JAM3: variants seen among roughly 807,000 people sequenced by gnomAD.
The protein encoded by JAM3 is junctional adhesion molecule C.
JAM3 carries 31 observed loss-of-function variants against 39.4 expected under a neutral mutation model. The observed-to-expected ratio is 0.79, with a 90% CI of 0.59 to 1.06. The LOEUF (loss-of-function observed/expected upper bound fraction) is 1.06. JAM3 is among the 50% of genes least tolerant of loss of function. JAM3 has a pLI of 0.00. For synonymous variants in JAM3, 182 were observed against 148.7 expected (o/e 1.22, Z -1.63); for missense variants, 455 against 391.4 (o/e 1.16, Z -1.37).
intron 1 of JAM3, among the ~76,000 whole-genome samples, chr11:134,131,059 TAGAA>T (rs1942759775): frequency 6.6e-6 from 1 of 151,764 alleles, no homozygotes; most frequent in South Asian, 2.1e-4. Flanking sequence ...TGAAGGAAAA[TAGAA>T]AGCTGTGATC....
intron 1 of JAM3, among the ~76,000 whole-genome samples, chr11:134,079,340 A>G (rs778882844): frequency 6.6e-6 from 1 of 152,250 alleles, no homozygotes; most frequent in Non-Finnish European, 1.5e-5. Flanking sequence ...TAACAGCTAT[A>G]GATGAAGACA....
chr11:134,121,381 A>G, intron 1 of JAM3, among the ~76,000 whole-genome samples: 1 of 151,930 alleles, frequency 6.6e-6, no homozygotes. Flanking sequence ...GAATCTGAGG[A>G]GCCGTGTGAG....
chr11:134,107,562 C>G (rs116456273), intron 1 of JAM3, among the ~76,000 whole-genome samples: 1,560 of 152,128 alleles, frequency 0.01, 22 homozygotes, highest in African/African-American at 0.035. Flanking sequence ...GACTAGGCCA[C>G]TAAAGCAGTA....
At chr11:134,096,249 T>C (rs1329936082) in intron 1 of JAM3, among the ~76,000 whole-genome samples, 2 of 152,176 alleles carry the variant, frequency 1.3e-5, no homozygotes, top group African/African-American at 4.8e-5. Context: ...ATTACAGGCG[T>C]GAGCCACCAC....
At chr11:134,141,399 G>A (rs951672524) in intron 3 of JAM3, among the ~76,000 whole-genome samples, 1 of 152,070 alleles carries the variant, frequency 6.6e-6, no homozygotes, top group African/African-American at 2.4e-5. Flanking sequence ...CTGGCTGATG[G>A]GAAAGACTGG....
At chr11:134,088,349 A>G (rs939481424) in intron 1 of JAM3, among the ~76,000 whole-genome samples, 8 of 152,094 alleles carry the variant, frequency 5.3e-5, no homozygotes, top group African/African-American at 1.9e-4. Context: ...CTAAAGAAGC[A>G]TTGCTTTCCT....
chr11:134,121,957 G>A (rs1195150525), intron 1 of JAM3, among the ~76,000 whole-genome samples: 1 of 152,192 alleles, frequency 6.6e-6, no homozygotes, highest in Non-Finnish European at 1.5e-5. Flanking sequence ...TAGCACGTGT[G>A]CTGTTTTGAT....
chr11:134,124,958 C>G (rs1942615829), intron 1 of JAM3, among the ~76,000 whole-genome samples: 1 of 152,234 alleles, frequency 6.6e-6, no homozygotes, highest in Non-Finnish European at 1.5e-5. Flanking sequence ...GGAGGCGCCC[C>G]TCTCCTCAGT....
intron 1 of JAM3, among the ~76,000 whole-genome samples, chr11:134,129,560 C>T (rs765686555): frequency 1.1e-4 from 17 of 152,014 alleles, no homozygotes; most frequent in Admixed American, 2.0e-4. Flanking sequence ...AGTCATTGGT[C>T]CCTAGATAGC....
intron 1 of JAM3, among the ~76,000 whole-genome samples, chr11:134,104,456 G>T (rs1050685011): frequency 1.3e-5 from 2 of 152,032 alleles, no homozygotes; most frequent in African/African-American, 4.8e-5. Flanking sequence ...AACTAGAGAA[G>T]CAAGAGAAAA....
rs1491538629 is a variant in JAM3 at position 134,144,777 on chromosome 11, CCT to C, written c.410-14_410-13del. 1.3e-5 allele frequency: 19 copies of C among 1,484,490 alleles called. No individual in the cohort carries two copies. Among genetic ancestry groups the C allele is most frequent in the Non-Finnish European group, 1.7e-5 (19 of 1,099,558 alleles). The allele number at this position is 1,484,490 out of a possible 1,614,324, so 92.0% of individuals were successfully genotyped here. On this transcript the variant is annotated splice_polypyrimidine_tract_variant and intron_variant, in intron 4 of 8. Coordinates refer to ENST00000299106, the MANE Select transcript of JAM3 (RefSeq NM_032801.5). Reference sequence around the variant, plus strand: ...TGTCACTGAGATCTTAAACACCACCCCTTTTTCCCCACAGTGAAGCCAGTGAC... The same window carrying C: ...TGTCACTGAGATCTTAAACACCACCCTTTTCCCCACAGTGAAGCCAGTGAC...
chr11:134,116,553 T>C (rs941185386), intron 1 of JAM3, among the ~76,000 whole-genome samples: 1 of 152,214 alleles, frequency 6.6e-6, no homozygotes, highest in Non-Finnish European at 1.5e-5. Context: ...TTTTTGTCGT[T>C]GTTTGTTTTT....
At chr11:134,069,309 C>T (rs1941448311) in intron 1 of JAM3, 150 bp downstream of exon 1, 1 of 1,063,904 alleles carries the variant, frequency 9.4e-7, no homozygotes, top group Non-Finnish European at 1.3e-6. Flanking sequence ...CGGCGCGCGC[C>T]CGCGTCCCCG....
chr11:134,147,076 GGTT>G (rs745800276), intron 6 of JAM3, among the ~76,000 whole-genome samples: 3 of 152,130 alleles, frequency 2.0e-5, no homozygotes, highest in Non-Finnish European at 2.9e-5. Flanking sequence ...TCTGCTCTAG[GGTT>G]GTTTTCTCCT....
chr11:134,133,716 GGT>G (rs1942810742), intron 1 of JAM3, among the ~76,000 whole-genome samples: 1 of 151,946 alleles, frequency 6.6e-6, no homozygotes, highest in African/African-American at 2.4e-5. Context: ...ACAGCCCAAG[GGT>G]ATAGTCTTAC....
intron 1 of JAM3, among the ~76,000 whole-genome samples, chr11:134,114,738 G>A (rs948700303): frequency 1.4e-4 from 22 of 152,234 alleles, no homozygotes; most frequent in Admixed American, 5.9e-4. Context: ...CTTTTAAAAC[G>A]TATTGTGATT....
intron 1 of JAM3, among the ~76,000 whole-genome samples, chr11:134,117,926 C>T (rs751644673): frequency 6.6e-6 from 1 of 152,164 alleles, no homozygotes; most frequent in Non-Finnish European, 1.5e-5. Context: ...GGGGTTAATG[C>T]AGAATGTCTG....
intron 1 of JAM3, among the ~76,000 whole-genome samples, chr11:134,110,706 T>G (rs1414945814): frequency 7.4e-6 from 1 of 135,286 alleles, no homozygotes; most frequent in Admixed American, 7.0e-5. Flanking sequence ...TTGAGGGTGG[T>G]GGGTAGGTCG....
At chr11:134,134,766 ATGT>A (rs887892687) in intron 1 of JAM3, among the ~76,000 whole-genome samples, 24 of 152,310 alleles carry the variant, frequency 1.6e-4, no homozygotes, top group African/African-American at 5.8e-4. Context: ...AAGGCTAGTG[ATGT>A]TGAGCAACTT....
Sources: gnomAD v4.1 joint callset for allele counts (sites outside exome capture counted in the v4.1 genomes callset) on GRCh38, gnomAD v4.1.1 for gene constraint, MANE v1.5 for transcripts, NCBI Gene and HGNC (gene_info 2026-07-23, HGNC 2026-07-21) for gene names.